FAM210B: variants seen among roughly 807,000 people sequenced by gnomAD.
The protein encoded by FAM210B is mitochondrial inner membrane scaffold 2, also known as family with sequence similarity 210 member B.
In FAM210B, 11 loss-of-function variants were observed where a neutral mutation model predicts 14.9. The ratio of observed to expected loss-of-function variants is 0.74; its 90% CI spans 0.46 to 1.22. The LOEUF is 1.22. Ranked by LOEUF, FAM210B falls within the 50% of genes most tolerant of loss-of-function variation. The probability of loss-of-function intolerance (pLI) is 0.00; values close to 1 mark genes in which losing one functional copy is unlikely to be tolerated. For missense variants in FAM210B, 229 were observed against 250.1 expected (o/e 0.92, Z 0.57); for synonymous variants, 113 against 110.2 (o/e 1.03, Z -0.16).
At position 56,367,961 on chromosome 20, in the gene FAM210B, C is replaced by T. The variant is rs1299984893; in HGVS notation, c.*1674C>T. The T allele has an allele frequency of 6.6e-6, 1 of 152,224 alleles. No homozygotes were observed. Among genetic ancestry groups the T allele is most frequent in the Non-Finnish European group, 1.5e-5 (1 of 68,032 alleles). The allele number at this position is 152,224 out of a possible 1,614,324, so 9.4% of individuals were successfully genotyped here. A position where few individuals can be genotyped will look rare whatever the true frequency, so the allele number is the denominator to read the frequency against. The stretch of plus-strand genomic sequence containing the variant: ...AGAACTGAATAAACCATTAACTGGC[C>T]ATCCTGGTTTTGCAGAGATCAGGTT... On this transcript the variant is annotated 3_prime_UTR_variant, in exon 3 of 3. Coordinates refer to ENST00000371384, the MANE Select transcript of FAM210B (RefSeq NM_080821.3).
chr20:56,361,207 G>C (rs972202803), intron 1 of FAM210B, among the ~76,000 whole-genome samples: 11 of 152,186 alleles, frequency 7.2e-5, no homozygotes, highest in Non-Finnish European at 1.5e-4. Flanking sequence ...GTCTCCGTCA[G>C]TTCTGGTTCC....
At chr20:56,365,052 C>T in intron 1 of FAM210B, 35 bp from the exon 2 acceptor site, 1 of 1,592,974 alleles carries the variant, frequency 6.3e-7, no homozygotes, top group Non-Finnish European at 8.5e-7. Flanking sequence ...CCGTGCCTGC[C>T]CTAAAGCACC....
intron 1 of FAM210B, 80 bp from the exon 2 acceptor site, chr20:56,365,007 C>T: frequency 2.2e-6 from 3 of 1,340,182 alleles, no homozygotes; most frequent in Non-Finnish European, 3.0e-6. Flanking sequence ...AAGAGTATAA[C>T]ATTGCATGCG....
rs1157933629 is a variant in FAM210B at position 56,367,157 on chromosome 20, GAAA to G, written c.*877_*879del. 6.6e-6 allele frequency: 1 copy of G among 150,492 alleles called. No individual in the cohort carries two copies. Among genetic ancestry groups the G allele is most frequent in the Non-Finnish European group, 1.5e-5 (1 of 67,552 alleles). The allele number at this position is 150,492 out of a possible 1,614,324, so 9.3% of individuals were successfully genotyped here. A position where few individuals can be genotyped will look rare whatever the true frequency, so the allele number is the denominator to read the frequency against. On this transcript the variant is annotated 3_prime_UTR_variant, in exon 3 of 3. Coordinates refer to ENST00000371384, the MANE Select transcript of FAM210B (RefSeq NM_080821.3). Reference sequence around the variant, plus strand: ...TGTCTGAGTTAAAAATCCTGTTCAAGAAAAAAAAAGATTTTGTATCACTTCTTA... The same window carrying G: ...TGTCTGAGTTAAAAATCCTGTTCAAGAAAAAAGATTTTGTATCACTTCTTA...
In FAM210B at chr20:56,367,920, C is replaced by T. The variant is rs867419550; in HGVS notation, c.*1633C>T. On this transcript the variant is annotated 3_prime_UTR_variant, in exon 3 of 3. Coordinates refer to ENST00000371384, the MANE Select transcript of FAM210B (RefSeq NM_080821.3). The stretch of plus-strand genomic sequence containing the variant: ...ACCTCCACAAGGCTAAATAAAATTA[C>T]ATTTGTGACCATCAGAGAACTGAAT... The T allele has an allele frequency of 1.3e-5, 2 of 152,198 alleles. No homozygotes were observed. The highest frequency in any genetic ancestry group is 2.9e-5 in the Non-Finnish European group (2 of 68,026). 9.4% of individuals were successfully genotyped at this position (152,198 alleles called of 1,614,324 possible). A position where few individuals can be genotyped will look rare whatever the true frequency, so the allele number is the denominator to read the frequency against.
chr20:56,361,525 T>G (rs140909984), intron 1 of FAM210B, among the ~76,000 whole-genome samples: 2 of 152,260 alleles, frequency 1.3e-5, no homozygotes, highest in African/African-American at 2.4e-5. Flanking sequence ...GGACCCAGAC[T>G]CAGCGAGTTT....
rs182611850 is a variant in FAM210B, at chr20:56,359,421, C to T, written c.186+230C>T. 2.0e-3 allele frequency among the ~76,000 whole-genome samples: 310 copies of T among 152,378 alleles called. No homozygotes were observed. Among genetic ancestry groups the T allele is most frequent in the Middle Eastern group, 3.4e-3 (1 of 294 alleles). On this transcript the variant is annotated intron_variant, in intron 1 of 2. Transcript: ENST00000371384. The surrounding 1 kb of genome is among the most constrained non-coding windows in gnomAD (Gnocchi z 4.3). ...GCTCGGGAAGGTGTGGCGCTCTGCCCAAGGTCGCGCAGTCTTCGGCCGAGC... is the reference window on the plus strand; with the variant it reads ...GCTCGGGAAGGTGTGGCGCTCTGCCTAAGGTCGCGCAGTCTTCGGCCGAGC...
At position 56,366,260 on chromosome 20, in the gene FAM210B, T is replaced by G. The variant is rs1178710790; in HGVS notation, c.552T>G (p.Phe184Leu). ...TCAGATATTTTCGAAAAGTGGGATT[T>G]TTTAAACCTCCAGCTGCAAAACCTT... ...LIVRYFRKVG[F>L]FKPPAAKP The change falls in exon 3 of 3, where the codon TTT becomes TTG. Residue 184 changes from phenylalanine (F) to leucine (L), a missense_variant. By Grantham distance (22) the Phe-to-Leu change is conservative. Around this residue, in one of 3 missense-constraint regions of FAM210B, gnomAD observed 53 missense variants for 55.4 expected, o/e 0.96. Transcript: ENST00000371384. 1 of 1,614,200 alleles carries G rather than the reference T, an allele frequency of 6.2e-7. No individual in the cohort carries two copies. The highest frequency in any genetic ancestry group is 1.7e-5 in the Admixed American group (1 of 60,026).
chr20:56,365,621 T>G (rs879813773), intron 2 of FAM210B, among the ~76,000 whole-genome samples: 1 of 152,220 alleles, frequency 6.6e-6, no homozygotes, highest in Non-Finnish European at 1.5e-5. Flanking sequence ...TTCTCCTGCC[T>G]CAGCCTCCCG....
At chr20:56,361,310 A>G (rs1983527734) in intron 1 of FAM210B, among the ~76,000 whole-genome samples, 3 of 151,982 alleles carry the variant, frequency 2.0e-5, no homozygotes, top group African/African-American at 7.3e-5. Flanking sequence ...TCTCTATGGC[A>G]CTTGTCACAG....
chr20:56,364,942 A>G (rs1888267508), intron 1 of FAM210B, 145 bp from the exon 2 acceptor site: 1 of 738,754 alleles, frequency 1.4e-6, no homozygotes, highest in African/African-American at 1.8e-5. Flanking sequence ...TGACAGAGTG[A>G]GACTCTGTCT....
Position 56,365,079 on chromosome 20 carries a change from G to T in FAM210B, c.187-8G>T. 2 of 1,611,252 alleles carry T rather than the reference G, an allele frequency of 1.2e-6. No homozygotes were observed. Among genetic ancestry groups the T allele is most frequent in the Non-Finnish European group, 1.7e-6 (2 of 1,179,330 alleles). ...TAAAGCACCTCCTCTTCTCTGATTT[G>T]TACACAGGACCCCAGCCAGGCCACG... On this transcript the variant is annotated splice_region_variant and splice_polypyrimidine_tract_variant and intron_variant, in intron 1 of 2. Transcript: ENST00000371384.
chr20:56,358,977 G>T lies in FAM210B; in HGVS notation c.-29G>T. ...GCCTCCGCCCGCCTCCCGGGTCAGCGGCGCGGGTGCTGCGCCTAGCTGCGC... is the reference window on the plus strand; with the variant it reads ...GCCTCCGCCCGCCTCCCGGGTCAGCTGCGCGGGTGCTGCGCCTAGCTGCGC... On this transcript the variant is annotated 5_prime_UTR_variant, in exon 1 of 3. Coordinates refer to ENST00000371384, the MANE Select transcript of FAM210B (RefSeq NM_080821.3). 8.4e-7 allele frequency: 1 copy of T among 1,189,164 alleles called. No individual in the cohort carries two copies. Among genetic ancestry groups the T allele is most frequent in the Non-Finnish European group, 1.0e-6 (1 of 963,004 alleles). 73.7% of individuals were successfully genotyped at this position (1,189,164 alleles called of 1,614,324 possible).
chr20:56,368,032 C>T lies in FAM210B; in HGVS notation c.*1745C>T, dbSNP rs1482234321. The T allele has an allele frequency of 6.6e-6, 1 of 152,552 alleles. No individual in the cohort carries two copies. Among genetic ancestry groups the T allele is most frequent in the African/African-American group, 2.4e-5 (1 of 41,466 alleles). 9.4% of individuals were successfully genotyped at this position (152,552 alleles called of 1,614,324 possible). A position where few individuals can be genotyped will look rare whatever the true frequency, so the allele number is the denominator to read the frequency against. ...CCACAGCTACCCATGTCAGTTATCT[C>T]CACTAACATATCCAAGAATCTTTGT... On this transcript the variant is annotated 3_prime_UTR_variant, in exon 3 of 3. Coordinates refer to ENST00000371384, the MANE Select transcript of FAM210B (RefSeq NM_080821.3).
chr20:56,366,003 T>C lies in FAM210B; in HGVS notation c.363-68T>C, dbSNP rs143980800. 283 of 995,552 alleles carry C rather than the reference T, an allele frequency of 2.8e-4. 5 individuals carry two copies. The East Asian group carries it at 5.9e-3, about 21-fold the overall frequency. The allele number at this position is 995,552 out of a possible 1,614,324, so 61.7% of individuals were successfully genotyped here. On this transcript the variant is annotated intron_variant, in intron 2 of 2. Coordinates refer to ENST00000371384, the MANE Select transcript of FAM210B (RefSeq NM_080821.3). ...ATTTTTTAAAATACTGTAAATCTTA[T>C]AGCCAAATCAATTTCTTCATTTAAT...
rs147543498 is a variant in FAM210B at position 56,360,944 on chromosome 20, G to A, written c.186+1753G>A. Among the ~76,000 whole-genome samples the A allele has an allele frequency of 4.0e-3, 613 of 152,340 alleles. 3 individuals are homozygous for A. Among genetic ancestry groups the A allele is most frequent in the African/African-American group, 0.014 (596 of 41,582 alleles). ...CCTCGTCGGGAGGTAGGAGTGTGCT[G>A]CCCAGCTGGGCTCTCCAAATTTGCC... On this transcript the variant is annotated intron_variant, in intron 1 of 2. Transcript: ENST00000371384.
chr20:56,364,980 T>A lies in FAM210B; in HGVS notation c.187-107T>A, dbSNP rs973928528. ...AAAGAAAAAGGAAAGGGGTAACTGA[T>A]CTCTCATCCAGCAGGAAAGAGTATA... On this transcript the variant is annotated intron_variant, in intron 1 of 2. Transcript: ENST00000371384. 8.3e-6 allele frequency: 9 copies of A among 1,077,862 alleles called. No individual in the cohort carries two copies. The African/African-American group carries it at 1.4e-4, about 17-fold the overall frequency. The allele number at this position is 1,077,862 out of a possible 1,614,324, so 66.8% of individuals were successfully genotyped here. A position where few individuals can be genotyped will look rare whatever the true frequency, so the allele number is the denominator to read the frequency against.
Position 56,359,148 on chromosome 20 carries a change from C to G in FAM210B, c.143C>G (p.Ala48Gly). ...ALALLPPRLD[A>G]RLLRTARGDC... Reference sequence around the variant, plus strand: ...GCCCTGCTCCCGCCCAGGCTAGACGCCCGGCTGCTCCGCACGGCGCGCGGG... The same window carrying G: ...GCCCTGCTCCCGCCCAGGCTAGACGGCCGGCTGCTCCGCACGGCGCGCGGG... The change falls in exon 1 of 3, where the codon GCC becomes GGC. Residue 48 changes from alanine to glycine, a missense_variant. Physicochemically the swap from Ala to Gly is moderately conservative, Grantham distance 60 (BLOSUM62 0). Coordinates refer to ENST00000371384, the MANE Select transcript of FAM210B (RefSeq NM_080821.3). This position sits in a 1 kb window ranked among gnomAD's most constrained non-coding sequence, Gnocchi z 4.3. 1 of 1,251,460 alleles carries G rather than the reference C, an allele frequency of 8.0e-7. No individual in the cohort carries two copies. Among genetic ancestry groups the G allele is most frequent in the Non-Finnish European group, 1.0e-6 (1 of 1,004,054 alleles). The allele number at this position is 1,251,460 out of a possible 1,614,324, so 77.5% of individuals were successfully genotyped here.
In FAM210B at chr20:56,366,584, G is replaced by A; in HGVS notation, c.*297G>A. The A allele has an allele frequency of 3.5e-6, 1 of 282,944 alleles. No individual in the cohort carries two copies. The highest frequency in any genetic ancestry group is 6.7e-6 in the Non-Finnish European group (1 of 149,542). 17.5% of individuals were successfully genotyped at this position (282,944 alleles called of 1,614,324 possible). Reference sequence around the variant, plus strand: ...AAAATAGCCTACAAATGTTCCTTGTGGGAGACTTTGGCGAGGGTCTGTGGG... The same window carrying A: ...AAAATAGCCTACAAATGTTCCTTGTAGGAGACTTTGGCGAGGGTCTGTGGG... On this transcript the variant is annotated 3_prime_UTR_variant, in exon 3 of 3. Transcript: ENST00000371384.
Sources: gnomAD v4.1 joint callset for allele counts (sites outside exome capture counted in the v4.1 genomes callset) on GRCh38, gnomAD v4.1.1 for gene constraint, gnomAD v4.1.1 regional missense constraint, Gnocchi (gnomAD v3.1) non-coding constraint, MANE v1.5 for transcripts, NCBI Gene and HGNC (gene_info 2026-07-23, HGNC 2026-07-21) for gene names.